Variants in LRRC4C observed in about 807,000 individuals in gnomAD.
The protein encoded by LRRC4C is leucine-rich repeat-containing protein 4C.
Under a neutral mutation model 33.6 loss-of-function variants are expected in LRRC4C, and 5 were observed. The observed-to-expected ratio is 0.15, with a 90% CI of 0.08 to 0.31. LRRC4C has a LOEUF of 0.31. Ranked by LOEUF, LRRC4C falls within the 10% of genes least tolerant of loss-of-function variation. LRRC4C has a pLI of 1.00. For synonymous variants in LRRC4C, 329 were observed against 302.0 expected, an observed-to-expected ratio of 1.09 and a Z score of -0.93; for missense variants, 560 against 796.7, an observed-to-expected ratio of 0.70 and a Z score of 3.58.
At chr11:40,989,292 GA>G (rs1853328518) in intron 1 of LRRC4C, among the ~76,000 whole-genome samples, 1 of 152,084 alleles carries the variant, frequency 6.6e-6, no homozygotes, top group Non-Finnish European at 1.5e-5. Flanking sequence ...TTTTTTGAAT[GA>G]CTGTTCTGTG....
At chr11:40,446,234 A>T (rs1221590187) in intron 3 of LRRC4C, 1 of 152,112 alleles carries the variant, frequency 6.6e-6, no homozygotes, top group Non-Finnish European at 1.5e-5. Context: ...CTTGAATTTT[A>T]TGATGCTGTC....
At chr11:40,472,017 C>T (rs562942541) in intron 3 of LRRC4C, among the ~76,000 whole-genome samples, 2 of 152,184 alleles carry the variant, frequency 1.3e-5, no homozygotes, top group East Asian at 1.9e-4. Context: ...CACTCGAGGC[C>T]GGGCAAGGTG....
In LRRC4C at chr11:40,115,229, A is replaced by T. The variant is rs1237562645; in HGVS notation, c.1064T>A (p.Val355Glu). ...GAGGTCTGCAGGGGGCTCCACAATC[A>T]CCGGAGCATAGCATGTGAAGTAATT... ...DQNYFTCYAP[V>E]IVEPPADLNV... Residue 355 changes from valine (V) to glutamate (E), a missense_variant, in exon 7 of 7, where the codon GTG becomes GAG. By Grantham distance (121) the Val-to-Glu change is moderately radical (BLOSUM62 -2). Around this residue, in one of 3 missense-constraint regions of LRRC4C, gnomAD observed 455 missense variants for 643.8 expected, o/e 0.71. Transcript: ENST00000528697. The surrounding 1 kb of genome is among the most constrained non-coding windows in gnomAD (Gnocchi z 6.7). 1 of 1,614,058 alleles carries T rather than the reference A, an allele frequency of 6.2e-7. No homozygotes were observed. The highest frequency in any genetic ancestry group is 2.2e-5 in the East Asian group (1 of 44,882).
chr11:40,827,949 A>T (rs144730973), intron 2 of LRRC4C, among the ~76,000 whole-genome samples: 1 of 151,920 alleles, frequency 6.6e-6, no homozygotes, highest in Non-Finnish European at 1.5e-5. Flanking sequence ...AAATAAAAAC[A>T]ATTACAATAT....
At chr11:40,852,168 T>G (rs1199409111) in intron 2 of LRRC4C, among the ~76,000 whole-genome samples, 2 of 151,956 alleles carry the variant, frequency 1.3e-5, no homozygotes, top group African/African-American at 4.8e-5. Flanking sequence ...TCCATTAGAA[T>G]TACTTAGGAA....
chr11:41,052,628 C>T (rs994591428), intron 1 of LRRC4C, among the ~76,000 whole-genome samples: 2 of 151,940 alleles, frequency 1.3e-5, no homozygotes, highest in South Asian at 2.1e-4. Context: ...AATCTCATGT[C>T]TCTGCTATGG....
intron 4 of LRRC4C, among the ~76,000 whole-genome samples, chr11:40,319,389 G>A (rs1050964137): frequency 2.0e-5 from 3 of 152,154 alleles, no homozygotes; most frequent in South Asian, 4.1e-4. Flanking sequence ...CAGTTGCCAC[G>A]CACTTCTTGG....
At chr11:40,412,589 T>G (rs1722026216) in intron 3 of LRRC4C, among the ~76,000 whole-genome samples, 1 of 152,130 alleles carries the variant, frequency 6.6e-6, no homozygotes, top group African/African-American at 2.4e-5. Flanking sequence ...CTTTTTTTCT[T>G]TTGCCATTAC....
In LRRC4C at chr11:40,713,898, G is replaced by C. The variant is rs190744815; in HGVS notation, c.-406-65620C>G. 8.1e-4 allele frequency among the ~76,000 whole-genome samples: 123 copies of C among 152,188 alleles called. 1 individual carries two copies. The highest frequency in any genetic ancestry group is 2.9e-3 in the African/African-American group (121 of 41,524). ...ATGTATGCCCTCTTCAATTCCCATC[G>C]CTATAGAAGAGGGATCATCTGTGTA... On this transcript the variant is annotated intron_variant, in intron 2 of 6. Coordinates refer to ENST00000528697, the MANE Select transcript of LRRC4C (RefSeq NM_001258419.2).
chr11:41,407,874 T>A (rs553520768), intron 1 of LRRC4C, among the ~76,000 whole-genome samples: 2 of 152,168 alleles, frequency 1.3e-5, no homozygotes, highest in African/African-American at 4.8e-5. Flanking sequence ...AGTGAAACTT[T>A]TAAGCATTCA....
chr11:41,061,810 G>A (rs1937788460), intron 1 of LRRC4C, among the ~76,000 whole-genome samples: 1 of 152,010 alleles, frequency 6.6e-6, no homozygotes, highest in Admixed American at 6.6e-5. Context: ...AAGCCCAAAT[G>A]GATAAATTTA....
intron 3 of LRRC4C, among the ~76,000 whole-genome samples, chr11:40,577,064 T>G (rs78915439): frequency 2.0e-5 from 3 of 152,184 alleles, no homozygotes; most frequent in Non-Finnish European, 2.9e-5. Context: ...CTTCTGTCCT[T>G]AAAACAGTAA....
At chr11:41,221,177 T>C (rs1947289204) in intron 1 of LRRC4C, among the ~76,000 whole-genome samples, 1 of 151,764 alleles carries the variant, frequency 6.6e-6, no homozygotes, top group Admixed American at 6.6e-5. Flanking sequence ...TGTGTGTTGT[T>C]CCCCTAATGT....
At chr11:40,718,992 T>A (rs376061462) in intron 2 of LRRC4C, among the ~76,000 whole-genome samples, 1 of 152,202 alleles carries the variant, frequency 6.6e-6, no homozygotes, top group African/African-American at 2.4e-5. Context: ...ATAAAACCTA[T>A]AATTTTCTGA....
intron 1 of LRRC4C, among the ~76,000 whole-genome samples, chr11:40,975,407 T>A (rs11036166): frequency 0.23 from 35,325 of 152,036 alleles, 4,499 homozygotes; most frequent in Middle Eastern, 0.32. Context: ...TACAATAAGC[T>A]TGACCCCGCA....
intron 3 of LRRC4C, among the ~76,000 whole-genome samples, chr11:40,416,441 G>A (rs1435333867): frequency 6.6e-6 from 1 of 152,174 alleles, no homozygotes; most frequent in Non-Finnish European, 1.5e-5. Context: ...AAGGAGCTAG[G>A]AATGTTTGTG....
intron 5 of LRRC4C, among the ~76,000 whole-genome samples, chr11:40,234,076 A>G (rs1865387400): frequency 6.6e-6 from 1 of 152,212 alleles, no homozygotes; most frequent in Non-Finnish European, 1.5e-5. Context: ...CAAGTACAGG[A>G]GACACGATTC....
intron 1 of LRRC4C, among the ~76,000 whole-genome samples, chr11:41,161,106 A>G (rs955072924): frequency 8.5e-5 from 13 of 152,176 alleles, no homozygotes; most frequent in Admixed American, 7.9e-4. Flanking sequence ...CTCAAGAAAA[A>G]CAAATGCCCA....
chr11:40,612,113 T>C (rs1037292104), intron 3 of LRRC4C, among the ~76,000 whole-genome samples: 4 of 151,846 alleles, frequency 2.6e-5, no homozygotes, highest in African/African-American at 7.2e-5. Context: ...ACATTATTCA[T>C]AATACCCAAG....
Sources: allele counts gnomAD v4.1 joint callset (sites outside exome capture counted in the v4.1 genomes callset), GRCh38; gene constraint gnomAD v4.1.1; regional missense constraint gnomAD v4.1.1; non-coding constraint Gnocchi (gnomAD v3.1); transcripts MANE v1.5; gene names NCBI Gene and HGNC (gene_info 2026-07-23, HGNC 2026-07-21).